Variants in CENPW observed in about 807,000 individuals in gnomAD.
The protein encoded by CENPW is centromere protein W.
CENPW carries 3 observed loss-of-function variants against 11.1 expected under a neutral mutation model. That is an observed-to-expected ratio of 0.27 (90% CI 0.12 to 0.70). The LOEUF (loss-of-function observed/expected upper bound fraction) is 0.70, where lower values mean the gene tolerates loss of function less well. Ranked by LOEUF, CENPW falls within the 30% of genes least tolerant of loss-of-function variation. The pLI is 0.77. For synonymous variants in CENPW, 38 were observed against 42.0 expected, an observed-to-expected ratio of 0.91 and a Z score of 0.37; for missense variants, 100 against 105.6, an observed-to-expected ratio of 0.95 and a Z score of 0.23.
the CENPW span, among the ~76,000 whole-genome samples, chr6:126,358,446 C>G: frequency 6.6e-6 from 1 of 152,126 alleles, no homozygotes; most frequent in African/African-American, 2.4e-5. Flanking sequence ...AAAGCTTTTT[C>G]TGCGTTCCAC....
chr6:126,354,460 C>T, the CENPW span, among the ~76,000 whole-genome samples: 355 of 152,146 alleles, frequency 2.3e-3, 2 homozygotes, highest in African/African-American at 7.7e-3. Context: ...AAAGTAATTG[C>T]GATTTTTGCC....
At chr6:126,372,752 C>A in the CENPW span, among the ~76,000 whole-genome samples, 2 of 152,060 alleles carry the variant, frequency 1.3e-5, no homozygotes, top group African/African-American at 4.8e-5. Flanking sequence ...TAATGTCTAG[C>A]CAAAAGATTG....
Position 126,340,201 on chromosome 6 carries a change from C to A in CENPW, c.-73C>A. On this transcript the variant is annotated 5_prime_UTR_variant, in exon 1 of 3. Transcript: ENST00000368328. ...ACGGACCGGATTGTTTTCGCTGGCC[C>A]AGTGTCCCCGGAGCTTGTGTGCGAT... 1 of 1,413,964 alleles carries A rather than the reference C, an allele frequency of 7.1e-7. No individual in the cohort carries two copies. The highest frequency in any genetic ancestry group is 9.9e-7 in the Non-Finnish European group (1 of 1,010,772). The allele number at this position is 1,413,964 out of a possible 1,614,324, so 87.6% of individuals were successfully genotyped here. A position where few individuals can be genotyped will look rare whatever the true frequency, so the allele number is the denominator to read the frequency against.
the CENPW span, among the ~76,000 whole-genome samples, chr6:126,424,814 A>C: frequency 2.0e-5 from 3 of 152,120 alleles, no homozygotes; most frequent in African/African-American, 7.2e-5. Flanking sequence ...AATCATTATC[A>C]GAGTCTGCAG....
At chr6:126,411,277 C>T in the CENPW span, among the ~76,000 whole-genome samples, 1 of 152,150 alleles carries the variant, frequency 6.6e-6, no homozygotes, top group African/African-American at 2.4e-5. Context: ...TTGGTGGCCA[C>T]GGCTGTAGAA....
the CENPW span, among the ~76,000 whole-genome samples, chr6:126,376,219 A>G: frequency 1.3e-5 from 2 of 152,308 alleles, no homozygotes; most frequent in South Asian, 4.1e-4. Context: ...TGCAGTAAAG[A>G]TATTTTGTGG....
downstream of CENPW, among the ~76,000 whole-genome samples, chr6:126,353,691 C>T (rs1201323941): frequency 6.6e-6 from 1 of 151,960 alleles, no homozygotes; most frequent in Admixed American, 6.6e-5. Context: ...CATTTTCTCT[C>T]TCCTGTTCGA....
the CENPW span, among the ~76,000 whole-genome samples, chr6:126,398,468 A>T: frequency 6.6e-6 from 1 of 152,168 alleles, no homozygotes; most frequent in Non-Finnish European, 1.5e-5. Context: ...ATAAGGATGC[A>T]CAAGTTCCTT....
the CENPW span, among the ~76,000 whole-genome samples, chr6:126,356,199 TATTTGGATGC>T: frequency 6.6e-6 from 1 of 152,198 alleles, no homozygotes; most frequent in South Asian, 2.1e-4. Context: ...AATATCCTAC[TATTTGGATGC>T]ATCCAAGCCC....
the CENPW span, among the ~76,000 whole-genome samples, chr6:126,383,961 G>A: frequency 6.6e-6 from 1 of 152,048 alleles, no homozygotes; most frequent in African/African-American, 2.4e-5. Flanking sequence ...CTTCTCTGGT[G>A]CACATGAAAC....
the CENPW span, among the ~76,000 whole-genome samples, chr6:126,377,026 TATTTC>T: frequency 6.6e-6 from 1 of 152,172 alleles, no homozygotes; most frequent in African/African-American, 2.4e-5. Context: ...TTTAATTAAT[TATTTC>T]ATTTGTAGAT....
chr6:126,435,372 T>C, the CENPW span, among the ~76,000 whole-genome samples: 1 of 151,928 alleles, frequency 6.6e-6, no homozygotes, highest in Non-Finnish European at 1.5e-5. Context: ...ATGGTGATAT[T>C]ATGCTTACTT....
chr6:126,355,392 T>C, the CENPW span, among the ~76,000 whole-genome samples: 1 of 152,288 alleles, frequency 6.6e-6, no homozygotes, highest in Middle Eastern at 3.4e-3. Flanking sequence ...TTGTGCTGTG[T>C]TCAGGTTGGC....
intron 1 of CENPW, 146 bp downstream of exon 1, chr6:126,340,545 A>T: frequency 4.4e-6 from 5 of 1,137,220 alleles, no homozygotes; most frequent in Non-Finnish European, 5.1e-6. Flanking sequence ...CAGGGAACGT[A>T]TGCCCCACCC....
At chr6:126,351,230 G>C (rs887258858), downstream of CENPW, among the ~76,000 whole-genome samples, 2 of 151,548 alleles carry the variant, frequency 1.3e-5, no homozygotes, top group Non-Finnish European at 2.9e-5. Context: ...GATATTATCC[G>C]TGTGATACCA....
At chr6:126,449,580 T>C in the CENPW span, among the ~76,000 whole-genome samples, 3 of 151,088 alleles carry the variant, frequency 2.0e-5, no homozygotes, top group African/African-American at 7.3e-5. Flanking sequence ...GACCAATTAA[T>C]CTCTGCAGAT....
chr6:126,388,849 G>A, the CENPW span, among the ~76,000 whole-genome samples: 22 of 151,990 alleles, frequency 1.4e-4, no homozygotes, highest in East Asian at 2.7e-3. Context: ...CTTCTTGAGG[G>A]TAGAACACTT....
the CENPW span, among the ~76,000 whole-genome samples, chr6:126,434,089 T>A: frequency 6.6e-6 from 1 of 152,098 alleles, no homozygotes; most frequent in South Asian, 2.1e-4. Flanking sequence ...CAAAGCAGAG[T>A]GCTGGTATGC....
At chr6:126,474,051 T>A in the CENPW span, among the ~76,000 whole-genome samples, 1 of 149,194 alleles carries the variant, frequency 6.7e-6, no homozygotes, top group Admixed American at 6.7e-5. Flanking sequence ...GTCATTCTAC[T>A]GAGGGCACAA....
Sources: gnomAD v4.1 joint callset for allele counts (sites outside exome capture counted in the v4.1 genomes callset) on GRCh38, gnomAD v4.1.1 for gene constraint, MANE v1.5 for transcripts, NCBI Gene and HGNC (gene_info 2026-07-23, HGNC 2026-07-21) for gene names.